Variants in ASCC3 observed in about 807,000 individuals in gnomAD.
ASCC3 encodes ASC-1 complex subunit P200.
Under a neutral mutation model 256.3 loss-of-function variants are expected in ASCC3, and 158 were observed. That is an observed-to-expected ratio of 0.62 (90% CI 0.54 to 0.70). ASCC3 has a LOEUF of 0.70. ASCC3 is among the 30% of genes least tolerant of loss of function. The pLI is 0.00. For synonymous variants in ASCC3, 948 were observed against 883.4 expected, an observed-to-expected ratio of 1.07 and a Z score of -1.30; for missense variants, 2,259 against 2,626.0, an observed-to-expected ratio of 0.86 and a Z score of 3.05.
intron 13 of ASCC3, among the ~76,000 whole-genome samples, chr6:100,700,816 T>C (rs239218): frequency 0.52 from 78,760 of 152,076 alleles, 20,527 homozygotes; most frequent in Middle Eastern, 0.61. Flanking sequence ...CTGTACCCCA[T>C]TGTATCTAGG....
chr6:100,867,575 A>G (rs1280998810), intron 2 of ASCC3, among the ~76,000 whole-genome samples: 2 of 152,090 alleles, frequency 1.3e-5, no homozygotes, highest in Non-Finnish European at 2.9e-5. Context: ...TTTACCAGAG[A>G]CCACTGGTAA....
At chr6:100,577,176 C>G (rs563604716) in intron 36 of ASCC3, among the ~76,000 whole-genome samples, 5 of 152,140 alleles carry the variant, frequency 3.3e-5, no homozygotes, top group Non-Finnish European at 7.4e-5. Flanking sequence ...CCAAATATGA[C>G]AAGCACAATT....
chr6:100,796,001 T>C (rs746286259), intron 8 of ASCC3, among the ~76,000 whole-genome samples: 4 of 152,184 alleles, frequency 2.6e-5, no homozygotes, highest in Non-Finnish European at 4.4e-5. Flanking sequence ...AGTGATATGA[T>C]AGCAAATGGT....
intron 8 of ASCC3, among the ~76,000 whole-genome samples, chr6:100,790,018 G>A (rs531550985): frequency 6.6e-6 from 1 of 152,002 alleles, no homozygotes; most frequent in East Asian, 1.9e-4. Flanking sequence ...CTTGCTGTCA[G>A]GGTTGACGTG....
chr6:100,718,206 T>C lies in ASCC3; in HGVS notation c.1948A>G (p.Thr650Ala). 2 of 1,613,238 alleles carry C rather than the reference T, an allele frequency of 1.2e-6. No homozygotes were observed. The highest frequency in any genetic ancestry group is 1.1e-5 in the South Asian group (1 of 91,048). Reference protein sequence around the residue: ...SMIRILGLSATLPNYLDVATF... With the variant: ...SMIRILGLSAALPNYLDVATF... The stretch of plus-strand genomic sequence containing the variant: ...GCAACATCGAGGTAGTTAGGTAAAG[T>C]TGCAGACAGTCCGAGAATCCTTATC... Residue 650 changes from threonine (T) to alanine (A), a missense_variant, in exon 12 of 42, where the codon ACT becomes GCT. Thr to Ala is a moderately conservative substitution (Grantham distance 58). This residue lies in a region of ASCC3 where 1,839 missense variants were observed against 2,206.7 expected (regional missense o/e 0.83). Transcript: ENST00000369162.
chr6:100,536,622 A>T (rs975731599), intron 37 of ASCC3, among the ~76,000 whole-genome samples: 22 of 151,896 alleles, frequency 1.4e-4, no homozygotes, highest in African/African-American at 5.3e-4. Flanking sequence ...ATCCATCACC[A>T]CACCTAGATA....
At position 100,867,857 on chromosome 6, in the gene ASCC3, A is replaced by G. The variant is rs1033416259; in HGVS notation, c.90+51T>C. 4.2e-6 allele frequency: 6 copies of G among 1,412,580 alleles called. No homozygotes were observed. The Admixed American group carries it at 5.2e-5, about 12-fold the overall frequency. The allele number at this position is 1,412,580 out of a possible 1,614,324, so 87.5% of individuals were successfully genotyped here. A position where few individuals can be genotyped will look rare whatever the true frequency, so the allele number is the denominator to read the frequency against. On this transcript the variant is annotated intron_variant, in intron 2 of 41. Coordinates refer to ENST00000369162, the MANE Select transcript of ASCC3 (RefSeq NM_006828.4). ...GAAAAAGAATGTCAAATAGTTGTCC[A>G]TAGTCTGTGTTTATAATAATGTTCA...
At chr6:100,588,155 A>G (rs1771801385) in intron 36 of ASCC3, among the ~76,000 whole-genome samples, 1 of 152,144 alleles carries the variant, frequency 6.6e-6, no homozygotes, top group African/African-American at 2.4e-5. Flanking sequence ...AATGGGAATA[A>G]TGATGGGATG....
At position 100,864,046 on chromosome 6, in the gene ASCC3, A is replaced by G. The variant is rs746785896; in HGVS notation, c.241+18T>C. Reference sequence around the variant, plus strand: ...CTGGTTCTCTTTAAAAAAAAAAAAGAAAAAAAGAAAACTATACCTATCTGC... The same window carrying G: ...CTGGTTCTCTTTAAAAAAAAAAAAGGAAAAAAGAAAACTATACCTATCTGC... On this transcript the variant is annotated intron_variant, in intron 3 of 41. Coordinates refer to ENST00000369162, the MANE Select transcript of ASCC3 (RefSeq NM_006828.4). The G allele has an allele frequency of 1.1e-5, 17 of 1,500,622 alleles. No individual in the cohort carries two copies. Among genetic ancestry groups the G allele is most frequent in the East Asian group, 6.8e-5 (3 of 43,936 alleles). The allele number at this position is 1,500,622 out of a possible 1,614,324, so 93.0% of individuals were successfully genotyped here.
intron 37 of ASCC3, among the ~76,000 whole-genome samples, chr6:100,525,156 C>CAAAAAAAAAAAAAAAAAAAAA (rs57882047): frequency 4.7e-4 from 21 of 44,950 alleles, no homozygotes; most frequent in Admixed American, 8.4e-4. Flanking sequence ...GACCCTGTCT[C>CAAAAAAAAAAAAAAAAAAAAA]AAAAAAAAAA....
At chr6:100,665,180 A>G (rs1382327366) in intron 14 of ASCC3, among the ~76,000 whole-genome samples, 1 of 152,156 alleles carries the variant, frequency 6.6e-6, no homozygotes, top group Non-Finnish European at 1.5e-5. Context: ...TTCAACCAGC[A>G]TCAGTGGCCA....
chr6:100,544,803 C>A lies in ASCC3; in HGVS notation c.5551-4416G>T, dbSNP rs12662153. 0.012 allele frequency among the ~76,000 whole-genome samples: 1,835 copies of A among 152,178 alleles called. 83 individuals carry two copies. In the East Asian group the frequency reaches 0.14, roughly 12 times the overall value. On this transcript the variant is annotated intron_variant, in intron 36 of 41. Transcript: ENST00000369162. Reference sequence around the variant, plus strand: ...AACATCAAAGAGACAGAAATATTTCCCAACTAATTTGATGGCACCAGTTCT... The same window carrying A: ...AACATCAAAGAGACAGAAATATTTCACAACTAATTTGATGGCACCAGTTCT...
intron 10 of ASCC3, among the ~76,000 whole-genome samples, chr6:100,746,570 TTGCAAA>T (rs1262193046): frequency 1.3e-5 from 2 of 152,160 alleles, no homozygotes; most frequent in African/African-American, 4.8e-5. Flanking sequence ...AGTGCAAGAT[TTGCAAA>T]TGAATTAATA....
chr6:100,652,309 T>C (rs1775712543), intron 18 of ASCC3, among the ~76,000 whole-genome samples: 1 of 152,174 alleles, frequency 6.6e-6, no homozygotes, highest in Non-Finnish European at 1.5e-5. Context: ...AGAGACAACG[T>C]GTTGGATTGA....
chr6:100,785,854 A>G (rs539502166), intron 8 of ASCC3, among the ~76,000 whole-genome samples: 6 of 152,226 alleles, frequency 3.9e-5, no homozygotes, highest in Non-Finnish European at 8.8e-5. Context: ...TATACTTCAC[A>G]GCCTGATGGT....
intron 34 of ASCC3, among the ~76,000 whole-genome samples, chr6:100,596,449 T>C (rs1772303881): frequency 1.3e-5 from 2 of 152,342 alleles, no homozygotes; most frequent in Admixed American, 6.5e-5. Context: ...TAATTGAATT[T>C]CAGTTTTTGC....
intron 5 of ASCC3, among the ~76,000 whole-genome samples, chr6:100,801,761 T>C (rs577468880): frequency 2.0e-5 from 3 of 151,926 alleles, no homozygotes; most frequent in South Asian, 4.2e-4. Context: ...ACAGAATTTA[T>C]AATTAGTGTT....
At chr6:100,517,034 C>G (rs1194384128) in intron 38 of ASCC3, among the ~76,000 whole-genome samples, 1 of 152,000 alleles carries the variant, frequency 6.6e-6, no homozygotes, top group Non-Finnish European at 1.5e-5. Flanking sequence ...TGCAGACACA[C>G]AGGGGGTTAT....
chr6:100,877,837 A>C (rs1274519645), intron 1 of ASCC3, among the ~76,000 whole-genome samples: 2 of 152,180 alleles, frequency 1.3e-5, no homozygotes, highest in African/African-American at 4.8e-5. Context: ...TGCATCTCAA[A>C]ATGTGAGCAT....
Sources: gnomAD v4.1 joint callset for allele counts (sites outside exome capture counted in the v4.1 genomes callset) on GRCh38, gnomAD v4.1.1 for gene constraint, gnomAD v4.1.1 regional missense constraint, MANE v1.5 for transcripts, NCBI Gene and HGNC (gene_info 2026-07-23, HGNC 2026-07-21) for gene names.